The following JRK variants were observed in gnomAD, a reference collection of about 807,000 sequenced individuals.
JRK encodes the protein jerky protein homolog.
For missense variants in JRK, 720 were observed against 509.2 expected, an observed-to-expected ratio of 1.41 and a Z score of -3.98; for synonymous variants, 303 against 218.1, an observed-to-expected ratio of 1.39 and a Z score of -3.43.
chr8:142,647,647 G>A, the JRK span, among the ~76,000 whole-genome samples: 2 of 152,330 alleles, frequency 1.3e-5, no homozygotes, highest in East Asian at 3.9e-4. Context: ...ATGTGGAGCT[G>A]TAAGTCCATT....
At chr8:142,651,540 CTTTTT>C in the JRK span, among the ~76,000 whole-genome samples, 1 of 103,138 alleles carries the variant, frequency 9.7e-6, no homozygotes, top group African/African-American at 3.1e-5. Context: ...AAAAATCAAT[CTTTTT>C]TTTTTTTTTT....
At chr8:142,652,705 C>T (rs1846688571), downstream of JRK, among the ~76,000 whole-genome samples, 1 of 152,060 alleles carries the variant, frequency 6.6e-6, no homozygotes, top group East Asian at 1.9e-4. Flanking sequence ...TTGACTTTTC[C>T]CTTTAGCTTA....
At chr8:142,650,705 CTCTT>C in the JRK span, among the ~76,000 whole-genome samples, 1 of 152,338 alleles carries the variant, frequency 6.6e-6, no homozygotes, top group African/African-American at 2.4e-5. Context: ...TCCATGAAAC[CTCTT>C]TCTTTTGTAA....
chr8:142,660,501 G>T lies in JRK; in HGVS notation c.*3851C>A. The T allele has an allele frequency of 1.1e-6, 1 of 874,200 alleles. No homozygotes were observed. The highest frequency in any genetic ancestry group is 1.4e-6 in the Non-Finnish European group (1 of 728,660). The allele number at this position is 874,200 out of a possible 1,614,324, so 54.2% of individuals were successfully genotyped here. ...CTGCAGCCTCAAACTCCTGGGCTTG[G>T]GGATCCTCCCGCCTCGGCCTCCTGA... On this transcript the variant is annotated 3_prime_UTR_variant, in exon 2 of 2. Coordinates refer to ENST00000612905, the MANE Select transcript of JRK (RefSeq NM_003724.4).
At position 142,664,371 on chromosome 8, in the gene JRK, G is replaced by A; in HGVS notation, c.1688C>T (p.Ser563Phe). ...ATAQSPLPCS[S>F]TAGDN Reference sequence around the variant, plus strand: ...AAGCCATCAGTTGTCACCTGCTGTGGATGAGCAGGGCAAGGGAGACTGAGC... The same window carrying A: ...AAGCCATCAGTTGTCACCTGCTGTGAATGAGCAGGGCAAGGGAGACTGAGC... The change falls in exon 2 of 2, where the codon TCC becomes TTC. Residue 563 changes from serine (S) to phenylalanine (F), a missense_variant. Ser to Phe is a radical substitution (Grantham distance 155). Transcript: ENST00000612905. The A allele has an allele frequency of 6.4e-7, 1 of 1,568,778 alleles. No individual in the cohort carries two copies. The highest frequency in any genetic ancestry group is 1.4e-5 in the African/African-American group (1 of 74,016).
At position 142,664,737 on chromosome 8, in the gene JRK, C is replaced by T. The variant is rs1288366511; in HGVS notation, c.1322G>A (p.Gly441Glu). Residue 441 changes from glycine to glutamate, a missense_variant, in exon 2 of 2, where the codon GGG becomes GAG. Physicochemically the swap from Gly to Glu is moderately conservative, Grantham distance 98 (BLOSUM62 -2). Transcript: ENST00000612905. The part of the protein sequence containing the change: ...QLRQRQAASW[G>E]VAGREAEGGR... Reference sequence around the variant, plus strand: ...CCCTTCTGCCTCCCTTCCCGCTACCCCCCAGCTGGCGGCCTGGCGCTGGCG... The same window carrying T: ...CCCTTCTGCCTCCCTTCCCGCTACCTCCCAGCTGGCGGCCTGGCGCTGGCG... 1 of 1,598,500 alleles carries T rather than the reference C, an allele frequency of 6.3e-7. No individual in the cohort carries two copies. Among genetic ancestry groups the T allele is most frequent in the Non-Finnish European group, 8.5e-7 (1 of 1,173,318 alleles).
chr8:142,660,042 C>T lies in JRK; in HGVS notation c.*4310G>A. On this transcript the variant is annotated 3_prime_UTR_variant, in exon 2 of 2. Coordinates refer to ENST00000612905, the MANE Select transcript of JRK (RefSeq NM_003724.4). ...TGGGAGCTGGGGCTCATGTGGGAGG[C>T]TGGTGGCTGCCATGGCTGCAGCTCC... 1 of 986,008 alleles carries T rather than the reference C, an allele frequency of 1.0e-6. No individual in the cohort carries two copies. Among genetic ancestry groups the T allele is most frequent in the Non-Finnish European group, 1.2e-6 (1 of 830,346 alleles). The allele number at this position is 986,008 out of a possible 1,614,324, so 61.1% of individuals were successfully genotyped here. A position where few individuals can be genotyped will look rare whatever the true frequency, so the allele number is the denominator to read the frequency against.
intron 1 of JRK, among the ~76,000 whole-genome samples, chr8:142,668,345 C>T (rs1328125523): frequency 1.3e-5 from 2 of 152,222 alleles, no homozygotes; most frequent in African/African-American, 4.8e-5. Flanking sequence ...GAGTACTGTC[C>T]TCTTCCGGAG....
chr8:142,652,118 T>G, the JRK span, among the ~76,000 whole-genome samples: 2 of 152,160 alleles, frequency 1.3e-5, no homozygotes, highest in African/African-American at 2.4e-5. Context: ...TAAATTGCCC[T>G]ATTGGTTTGA....
At chr8:142,649,588 A>C in the JRK span, among the ~76,000 whole-genome samples, 90,140 of 152,068 alleles carry the variant, frequency 0.59, 28,154 homozygotes, top group Admixed American at 0.69. Context: ...AAACCTCTTT[A>C]TTTTGTAAAC....
chr8:142,652,852 A>C (rs368783576), downstream of JRK, among the ~76,000 whole-genome samples: 31 of 152,290 alleles, frequency 2.0e-4, 2 homozygotes, highest in Admixed American at 1.6e-3. Context: ...ACACAGCCAC[A>C]TTTCCTTCTA....
chr8:142,660,810 G>C lies in JRK; in HGVS notation c.*3542C>G. 1 of 985,508 alleles carries C rather than the reference G, an allele frequency of 1.0e-6. No individual in the cohort carries two copies. The highest frequency in any genetic ancestry group is 1.7e-5 in the African/African-American group (1 of 57,334). The allele number at this position is 985,508 out of a possible 1,614,324, so 61.0% of individuals were successfully genotyped here. Reference sequence around the variant, plus strand: ...GCTGCCCTGTGCCACAGCCTCCCAAGAATGGATGCAGTCTACACCTTCTGC... The same window carrying C: ...GCTGCCCTGTGCCACAGCCTCCCAACAATGGATGCAGTCTACACCTTCTGC... On this transcript the variant is annotated 3_prime_UTR_variant, in exon 2 of 2. Coordinates refer to ENST00000612905, the MANE Select transcript of JRK (RefSeq NM_003724.4).
At position 142,661,999 on chromosome 8, in the gene JRK, C is replaced by A. The variant is rs967220418; in HGVS notation, c.*2353G>T. 5 of 985,442 alleles carry A rather than the reference C, an allele frequency of 5.1e-6. No homozygotes were observed. The highest frequency in any genetic ancestry group is 1.7e-5 in the African/African-American group (1 of 57,224). 61.0% of individuals were successfully genotyped at this position (985,442 alleles called of 1,614,324 possible). A position where few individuals can be genotyped will look rare whatever the true frequency, so the allele number is the denominator to read the frequency against. On this transcript the variant is annotated 3_prime_UTR_variant, in exon 2 of 2. Transcript: ENST00000612905. ...CTAAAAACCTCACTCCAGCAGCGAGCCCAGGTGAGGAGGGGCTGCAGGAGG... is the reference window on the plus strand; with the variant it reads ...CTAAAAACCTCACTCCAGCAGCGAGACCAGGTGAGGAGGGGCTGCAGGAGG...
At position 142,660,328 on chromosome 8, in the gene JRK, C is replaced by T. The variant is rs1318965015; in HGVS notation, c.*4024G>A. The T allele has an allele frequency of 1.7e-5, 17 of 985,764 alleles. No individual in the cohort carries two copies. In the Admixed American group the frequency reaches 3.1e-4, roughly 18 times the overall value. The allele number at this position is 985,764 out of a possible 1,614,324, so 61.1% of individuals were successfully genotyped here. Reference sequence around the variant, plus strand: ...GGCTGCCACACCCACCAGCCCATGACTGTCCACATCCTGACCCCTACCTAC... The same window carrying T: ...GGCTGCCACACCCACCAGCCCATGATTGTCCACATCCTGACCCCTACCTAC... On this transcript the variant is annotated 3_prime_UTR_variant, in exon 2 of 2. Coordinates refer to ENST00000612905, the MANE Select transcript of JRK (RefSeq NM_003724.4).
Position 142,666,339 on chromosome 8 carries a change from G to A in JRK, c.-281C>T, listed in dbSNP as rs1847127886. ...GCTGCCAATTCTCTCTGTGGAGGAG[G>A]TGACCCTGTCAGACTCCCCTCTGCT... is the stretch of plus-strand genomic sequence containing the variant. On this transcript the variant is annotated 5_prime_UTR_variant, in exon 2 of 2. Coordinates refer to ENST00000612905, the MANE Select transcript of JRK (RefSeq NM_003724.4). 5.5e-6 allele frequency: 3 copies of A among 540,838 alleles called. No individual in the cohort carries two copies. The highest frequency in any genetic ancestry group is 6.9e-6 in the Non-Finnish European group (2 of 290,066). The allele number at this position is 540,838 out of a possible 1,614,324, so 33.5% of individuals were successfully genotyped here.
chr8:142,667,406 G>C (rs1554636384), intron 1 of JRK, among the ~76,000 whole-genome samples: 1 of 151,374 alleles, frequency 6.6e-6, no homozygotes, highest in Non-Finnish European at 1.5e-5. Flanking sequence ...GGGCCGCAGA[G>C]CCTGCCAGAC....
Position 142,666,012 on chromosome 8 carries a change from T to C in JRK, c.47A>G (p.Lys16Arg). 6.8e-7 allele frequency: 1 copy of C among 1,472,610 alleles called. No individual in the cohort carries two copies. The allele number at this position is 1,472,610 out of a possible 1,614,324, so 91.2% of individuals were successfully genotyped here. A position where few individuals can be genotyped will look rare whatever the true frequency, so the allele number is the denominator to read the frequency against. The change falls in exon 2 of 2, where the codon AAG becomes AGG. Residue 16 changes from lysine (K) to arginine (R), a missense_variant. Lys to Arg is a conservative substitution (Grantham distance 26). Transcript: ENST00000612905. ...AAGKSRGEKR[K>R]RVVLTLKEKI... The stretch of plus-strand genomic sequence containing the variant: ...CTCCTTCAGTGTCAGCACCACCCTC[T>C]TCCGCTTCTCCCCTCTGCTCTTCCC...
Position 142,659,413 on chromosome 8 carries a change from G to A in JRK, c.*4939C>T. On this transcript the variant is annotated 3_prime_UTR_variant, in exon 2 of 2. Transcript: ENST00000612905. ...TCGCCTGTGTGGGACGGGGCTACCT[G>A]CAGACATAGAGGGCCTTTGAGCACC... The A allele has an allele frequency of 1.0e-6, 1 of 987,080 alleles. No individual in the cohort carries two copies. The highest frequency in any genetic ancestry group is 1.2e-6 in the Non-Finnish European group (1 of 830,966). The allele number at this position is 987,080 out of a possible 1,614,324, so 61.1% of individuals were successfully genotyped here. A position where few individuals can be genotyped will look rare whatever the true frequency, so the allele number is the denominator to read the frequency against.
At chr8:142,669,882 C>T (rs1254514448) in intron 1 of JRK, 50 bp downstream of exon 1, 2 of 152,904 alleles carry the variant, frequency 1.3e-5, no homozygotes, top group African/African-American at 2.4e-5. Context: ...CGCCCGCACC[C>T]ATCCGGCCCG....
Sources: allele counts gnomAD v4.1 joint callset (sites outside exome capture counted in the v4.1 genomes callset), GRCh38; gene constraint gnomAD v4.1.1; transcripts MANE v1.5; gene names NCBI Gene and HGNC (gene_info 2026-07-23, HGNC 2026-07-21).